The following SP2 variants were observed in gnomAD, a reference collection of about 807,000 sequenced individuals.
The protein encoded by SP2 is transcription factor Sp2.
A neutral mutation model predicts 50.1 loss-of-function variants in SP2; 9 were observed. That is an observed-to-expected ratio of 0.18 (90% confidence interval 0.11 to 0.31). The LOEUF (loss-of-function observed/expected upper bound fraction) is 0.31, where lower values mean the gene tolerates loss of function less well. Ranked by LOEUF, SP2 falls within the 10% of genes least tolerant of loss-of-function variation. SP2 has a pLI of 1.00. For missense variants in SP2, 581 were observed against 806.5 expected (o/e 0.72, Z 3.39); for synonymous variants, 313 against 326.6 (o/e 0.96, Z 0.45).
downstream of SP2, among the ~76,000 whole-genome samples, chr17:47,930,364 C>T (rs985544936): frequency 1.3e-5 from 2 of 152,190 alleles, no homozygotes; most frequent in African/African-American, 4.8e-5. Flanking sequence ...GATTTCAAGC[C>T]ATGTGCTTTA....
intron 3 of SP2, chr17:47,918,484 G>A (rs1415245787): frequency 6.6e-6 from 1 of 152,156 alleles, no homozygotes. Flanking sequence ...ACCTGCTCAG[G>A]AGCACATCCT....
intron 3 of SP2, among the ~76,000 whole-genome samples, chr17:47,920,096 T>C (rs1454151880): frequency 1.3e-5 from 2 of 152,076 alleles, no homozygotes; most frequent in East Asian, 1.9e-4. Flanking sequence ...CTTGACACTT[T>C]TGAAGGCTAA....
intron 1 of SP2, among the ~76,000 whole-genome samples, chr17:47,902,049 G>A (rs2034563872): frequency 6.6e-6 from 1 of 152,130 alleles, no homozygotes. Context: ...AAAGGGGGGT[G>A]GCAATTTACA....
At chr17:47,920,145 T>C (rs541632225) in intron 3 of SP2, among the ~76,000 whole-genome samples, 1 of 151,836 alleles carries the variant, frequency 6.6e-6, no homozygotes, top group Non-Finnish European at 1.5e-5. Flanking sequence ...TCAGGTCGGC[T>C]CTTTTTTTCT....
intron 3 of SP2, among the ~76,000 whole-genome samples, chr17:47,918,751 C>T (rs1399136412): frequency 6.6e-6 from 1 of 152,124 alleles, no homozygotes; most frequent in Admixed American, 6.5e-5. Context: ...GGGTCAAGGA[C>T]ACGTACATTT....
intron 1 of SP2, among the ~76,000 whole-genome samples, chr17:47,907,765 C>T (rs575568008): frequency 2.4e-4 from 37 of 152,216 alleles, no homozygotes; most frequent in East Asian, 2.3e-3. Flanking sequence ...CATTTAGGCT[C>T]GCTTTAAATA....
chr17:47,915,445 C>A, intron 2 of SP2, 57 bp downstream of exon 2: 1 of 1,090,138 alleles, frequency 9.2e-7, no homozygotes. Context: ...ACAGACTCAC[C>A]GAAAACACTC....
At chr17:47,925,164 A>C in intron 5 of SP2, 71 bp downstream of exon 5, 2 of 1,518,262 alleles carry the variant, frequency 1.3e-6, no homozygotes, top group Non-Finnish European at 1.8e-6. Flanking sequence ...ACAGTTGTCC[A>C]GAGCTGCAAG....
intron 3 of SP2, chr17:47,917,656 CTG>C: frequency 1.4e-5 from 3 of 219,512 alleles, no homozygotes; most frequent in South Asian, 1.3e-4. Flanking sequence ...GGGTCATACT[CTG>C]TTGTCCGGGC....
intron 1 of SP2, among the ~76,000 whole-genome samples, chr17:47,906,910 C>G (rs1401269655): frequency 6.6e-6 from 1 of 152,010 alleles, no homozygotes; most frequent in Non-Finnish European, 1.5e-5. Context: ...GGCATGGTCA[C>G]CCAGGGAAAG....
chr17:47,896,515 C>T (rs1370335097), intron 1 of SP2, among the ~76,000 whole-genome samples: 1 of 151,922 alleles, frequency 6.6e-6, no homozygotes, highest in Admixed American at 6.5e-5. Context: ...GCGTTCGACT[C>T]CCCGCCCCCT....
At position 47,916,490 on chromosome 17, in the gene SP2, C is replaced by G. The variant is rs1002923203; in HGVS notation, c.419C>G (p.Ala140Gly). 6.2e-7 allele frequency: 1 copy of G among 1,614,118 alleles called. No homozygotes were observed. Among genetic ancestry groups the G allele is most frequent in the Non-Finnish European group, 8.5e-7 (1 of 1,180,014 alleles). ...TACCAGGCGGTCCCTCAGATTCAGG[C>G]AAGCAATTCCCAAACCATCCAAGTA... ...IQYQAVPQIQ[A>G]SNSQTIQVQP... The change falls in exon 3 of 7, where the codon GCA becomes GGA. Residue 140 changes from alanine (A) to glycine (G), a missense_variant. Ala to Gly is a moderately conservative substitution (Grantham distance 60). This residue lies in a region of SP2 where 397 missense variants were observed against 491.0 expected (regional missense o/e 0.81). Coordinates refer to ENST00000376741, the MANE Select transcript of SP2 (RefSeq NM_003110.6). This position sits in a 1 kb window ranked among gnomAD's most constrained non-coding sequence, Gnocchi z 4.7.
chr17:47,903,776 A>G (rs572719300), intron 1 of SP2, among the ~76,000 whole-genome samples: 145 of 152,076 alleles, frequency 9.5e-4, no homozygotes, highest in Non-Finnish European at 1.9e-3. Flanking sequence ...CCTGGCCAAC[A>G]TGGTGAAACC....
intron 1 of SP2, among the ~76,000 whole-genome samples, chr17:47,914,075 G>A (rs1337569248): frequency 2.0e-5 from 3 of 152,168 alleles, no homozygotes; most frequent in Non-Finnish European, 4.4e-5. Context: ...TTCAAGTAAA[G>A]AATTGACCCA....
chr17:47,923,904 C>T (rs1053290403), intron 4 of SP2, among the ~76,000 whole-genome samples: 2 of 152,052 alleles, frequency 1.3e-5, no homozygotes, highest in Admixed American at 6.5e-5. Flanking sequence ...GTTTCACCGT[C>T]TTGGCCAGGC....
chr17:47,928,316 G>A lies in SP2; in HGVS notation c.*492G>A. ...ACTCGGGGCCACCTCCACTCCATGTGCCCAGCCCCGCCACAACCTCTCCTC... is the reference window on the plus strand; with the variant it reads ...ACTCGGGGCCACCTCCACTCCATGTACCCAGCCCCGCCACAACCTCTCCTC... On this transcript the variant is annotated 3_prime_UTR_variant, in exon 7 of 7. Coordinates refer to ENST00000376741, the MANE Select transcript of SP2 (RefSeq NM_003110.6). 1 of 155,258 alleles carries A rather than the reference G, an allele frequency of 6.4e-6. No homozygotes were observed. The highest frequency in any genetic ancestry group is 1.4e-5 in the Non-Finnish European group (1 of 69,726). The allele number at this position is 155,258 out of a possible 1,614,324, so 9.6% of individuals were successfully genotyped here.
chr17:47,911,605 G>A (rs530191462), intron 1 of SP2, among the ~76,000 whole-genome samples: 3 of 151,932 alleles, frequency 2.0e-5, no homozygotes, highest in East Asian at 1.9e-4. Context: ...TCAGGAGCTC[G>A]AGACCATTCT....
At position 47,928,176 on chromosome 17, in the gene SP2, G is replaced by A. The variant is rs1239068373; in HGVS notation, c.*352G>A. 13 of 162,192 alleles carry A rather than the reference G, an allele frequency of 8.0e-5. No homozygotes were observed. The highest frequency in any genetic ancestry group is 3.1e-4 in the African/African-American group (10 of 32,138). 10.0% of individuals were successfully genotyped at this position (162,192 alleles called of 1,614,324 possible). Reference sequence around the variant, plus strand: ...AAAGTGAGCCCCTACCCCCCACCCCGATCCCCGCTCCCAACACTGCCGGAG... The same window carrying A: ...AAAGTGAGCCCCTACCCCCCACCCCAATCCCCGCTCCCAACACTGCCGGAG... On this transcript the variant is annotated 3_prime_UTR_variant, in exon 7 of 7. Transcript: ENST00000376741.
chr17:47,917,376 G>GT (rs1048111204), intron 3 of SP2, among the ~76,000 whole-genome samples: 4 of 151,672 alleles, frequency 2.6e-5, no homozygotes, highest in Non-Finnish European at 5.9e-5. Flanking sequence ...CTTATAGGTT[G>GT]TTTTTTTTCA....
Sources: gnomAD v4.1 joint callset for allele counts (sites outside exome capture counted in the v4.1 genomes callset) on GRCh38, gnomAD v4.1.1 for gene constraint, gnomAD v4.1.1 regional missense constraint, Gnocchi (gnomAD v3.1) non-coding constraint, MANE v1.5 for transcripts, NCBI Gene and HGNC (gene_info 2026-07-23, HGNC 2026-07-21) for gene names.